RAD50: variants seen among roughly 807,000 people sequenced by gnomAD.
RAD50 encodes DNA repair protein RAD50.
In RAD50, 132 loss-of-function variants were observed where a neutral mutation model predicts 168.8. That is an observed-to-expected ratio of 0.78 (90% CI 0.68 to 0.90). The LOEUF (loss-of-function observed/expected upper bound fraction) is 0.90. Among genes scored for constraint, RAD50 ranks in the 40% least tolerant of loss-of-function variants. The pLI is 0.00. For missense variants in RAD50, 1,347 were observed against 1,534.4 expected, an observed-to-expected ratio of 0.88 and a Z score of 2.04; for synonymous variants, 525 against 497.4, an observed-to-expected ratio of 1.06 and a Z score of -0.74.
chr5:132,618,535 C>T (rs745933063), intron 21 of RAD50, among the ~76,000 whole-genome samples: 3 of 152,148 alleles, frequency 2.0e-5, no homozygotes, highest in South Asian at 2.1e-4. Context: ...CATGCCACCA[C>T]GCTGGGCTAA....
chr5:132,619,252 T>C (rs1299425584), intron 21 of RAD50, among the ~76,000 whole-genome samples: 1 of 152,216 alleles, frequency 6.6e-6, no homozygotes, highest in African/African-American at 2.4e-5. Flanking sequence ...AATAATATTG[T>C]TTTCCAGAAA....
At chr5:132,591,506 A>G in intron 10 of RAD50, 100 bp downstream of exon 10, 1 of 1,222,980 alleles carries the variant, frequency 8.2e-7, no homozygotes, top group Non-Finnish European at 1.2e-6. Flanking sequence ...GTTGGTATTG[A>G]CTATATTTTA....
intron 21 of RAD50, among the ~76,000 whole-genome samples, chr5:132,628,029 C>T (rs1007332147): frequency 3.3e-5 from 5 of 152,194 alleles, no homozygotes; most frequent in Non-Finnish European, 5.9e-5. Flanking sequence ...GCTTGAACAA[C>T]AGGATATTGG....
intron 2 of RAD50, among the ~76,000 whole-genome samples, chr5:132,564,958 G>T (rs1750182321): frequency 6.6e-6 from 1 of 152,198 alleles, no homozygotes; most frequent in African/African-American, 2.4e-5. Flanking sequence ...GATTTCAGGG[G>T]ATGTATGGAA....
rs763958218 is a variant in RAD50, at chr5:132,642,181, A to C, written c.3756A>C (p.Ile1252=). 1.2e-6 allele frequency: 2 copies of C among 1,613,402 alleles called. No homozygotes were observed. Among genetic ancestry groups the C allele is most frequent in the Non-Finnish European group, 1.7e-6 (2 of 1,179,312 alleles). ...TGTTCTGAATATATTGTTGCAGGAT[A>C]ATAAAAAGTCGCTCACAGCAGCGTA... ...IESLAHALVE[I]IKSRSQQRNF... is the part of the protein sequence containing the mutation. Residue 1252 remains isoleucine, a synonymous_variant, in exon 25 of 25, where the codon ATA becomes ATC. Coordinates refer to ENST00000378823, the MANE Select transcript of RAD50 (RefSeq NM_005732.4).
At chr5:132,563,342 T>C (rs1263759825) in intron 2 of RAD50, among the ~76,000 whole-genome samples, 1 of 152,206 alleles carries the variant, frequency 6.6e-6, no homozygotes, top group East Asian at 1.9e-4. Flanking sequence ...TCCACTGTTA[T>C]CCATTGTAAC....
chr5:132,617,730 G>A (rs1415293111), intron 20 of RAD50, among the ~76,000 whole-genome samples: 1 of 152,178 alleles, frequency 6.6e-6, no homozygotes, highest in African/African-American at 2.4e-5. Context: ...TGCATTCTCA[G>A]TTCACAATCA....
At position 132,568,077 on chromosome 5, in the gene RAD50, A is replaced by T. The variant is rs556189403; in HGVS notation, c.214-7700A>T. ...GGATTTTTTTTTAAATTTTTTTTAA[A>T]TTTTTTTTTTTGAGATGGAGTCTCA... is the stretch of plus-strand genomic sequence containing the variant. On this transcript the variant is annotated intron_variant, in intron 2 of 24. Transcript: ENST00000378823. Among the ~76,000 whole-genome samples the T allele has an allele frequency of 4.1e-3, 605 of 148,164 alleles. 6 individuals carry two copies. The highest frequency in any genetic ancestry group is 0.013 in the African/African-American group (531 of 40,512).
At chr5:132,576,021 C>A in intron 3 of RAD50, 93 bp downstream of exon 3, 2 of 1,264,582 alleles carry the variant, frequency 1.6e-6, no homozygotes, top group South Asian at 1.6e-5. Context: ...TTTAGGGGAG[C>A]ATATTAAATT....
chr5:132,617,324 A>G (rs1291085106), intron 20 of RAD50, among the ~76,000 whole-genome samples: 3 of 152,214 alleles, frequency 2.0e-5, no homozygotes, highest in Admixed American at 6.5e-5. Context: ...AAGTACAACT[A>G]TTTTTCAAAC....
intron 23 of RAD50, 163 bp downstream of exon 23, chr5:132,638,386 G>A: frequency 1.2e-6 from 1 of 806,490 alleles, no homozygotes; most frequent in Non-Finnish European, 2.0e-6. Flanking sequence ...ACACTCTCCT[G>A]AAGCTAACCA....
At chr5:132,604,744 TG>T (rs1750951480) in intron 15 of RAD50, 61 bp from the exon 16 acceptor site, 1 of 1,341,008 alleles carries the variant, frequency 7.5e-7, no homozygotes, top group African/African-American at 1.5e-5. Flanking sequence ...ATGGGAAGAA[TG>T]ATACAAATAG....
intron 21 of RAD50, among the ~76,000 whole-genome samples, chr5:132,626,314 A>G (rs915802324): frequency 6.6e-6 from 1 of 152,198 alleles, no homozygotes; most frequent in Non-Finnish European, 1.5e-5. Context: ...GTAAATATCC[A>G]GTAAGTGGGA....
In RAD50 at chr5:132,608,633, A is replaced by G. The variant is rs1221244145; in HGVS notation, c.2737A>G (p.Ser913Gly). ...TTTTTAGGATGCTAAAGAGCAGGTA[A>G]GCCCTTTGGAAACAACATTGGAAAA... ...REIKDAKEQV[S>G]PLETTLEKFQ... Residue 913 changes from serine to glycine, a missense_variant, in exon 17 of 25, where the codon AGC (serine) becomes GGC (glycine). Transcript: ENST00000378823. 6.3e-7 allele frequency: 1 copy of G among 1,593,484 alleles called. No homozygotes were observed. The highest frequency in any genetic ancestry group is 1.4e-5 in the African/African-American group (1 of 73,676).
intron 5 of RAD50, among the ~76,000 whole-genome samples, chr5:132,580,891 A>T (rs770205058): frequency 2.8e-4 from 42 of 152,256 alleles, no homozygotes; most frequent in Non-Finnish European, 3.4e-4. Context: ...TAAAAAATTT[A>T]TTGATTTGGT....
chr5:132,601,647 A>T (rs77542817), intron 13 of RAD50, among the ~76,000 whole-genome samples: 12 of 151,642 alleles, frequency 7.9e-5, no homozygotes, highest in African/African-American at 2.2e-4. Flanking sequence ...TCTGTGGTAT[A>T]AAAAAAAACT....
chr5:132,624,705 C>T (rs763129890), intron 21 of RAD50, among the ~76,000 whole-genome samples: 4 of 151,814 alleles, frequency 2.6e-5, no homozygotes, highest in Non-Finnish European at 5.9e-5. Flanking sequence ...TTGAGACCAA[C>T]CTGGGCAACA....
intron 3 of RAD50, among the ~76,000 whole-genome samples, chr5:132,578,677 C>T (rs567867488): frequency 6.6e-6 from 1 of 151,718 alleles, no homozygotes; most frequent in African/African-American, 2.4e-5. Context: ...CAGGTGCCCA[C>T]CACCACACCT....
chr5:132,618,576 C>T (rs2149854091), intron 21 of RAD50, among the ~76,000 whole-genome samples: 1 of 152,256 alleles, frequency 6.6e-6, no homozygotes, highest in Non-Finnish European at 1.5e-5. Context: ...CGGGGTTTCT[C>T]CATGTAGGTC....
Sources: allele counts gnomAD v4.1 joint callset (sites outside exome capture counted in the v4.1 genomes callset), GRCh38; gene constraint gnomAD v4.1.1; transcripts MANE v1.5; gene names NCBI Gene and HGNC (gene_info 2026-07-23, HGNC 2026-07-21).